Variants in NTM observed in about 807,000 individuals in gnomAD.
NTM encodes the protein neurotrimin, also known as IgLON family member 2.
NTM carries 13 observed loss-of-function variants against 42.1 expected under a neutral mutation model. The observed-to-expected ratio is 0.31, with a 90% CI of 0.20 to 0.49. The LOEUF is 0.49. NTM is among the 20% of genes least tolerant of loss of function. The probability of loss-of-function intolerance (pLI) is 0.99; values close to 1 mark genes in which losing one functional copy is unlikely to be tolerated. For synonymous variants in NTM, 187 were observed against 179.2 expected (o/e 1.04, Z -0.35); for missense variants, 373 against 452.8 (o/e 0.82, Z 1.60).
At chr11:132,048,012 T>A (rs184215560) in intron 2 of NTM, among the ~76,000 whole-genome samples, 112 of 152,096 alleles carry the variant, frequency 7.4e-4, no homozygotes, top group East Asian at 4.2e-3. Flanking sequence ...TTTTTTTTTT[T>A]TATATAGCTG....
intron 1 of NTM, among the ~76,000 whole-genome samples, chr11:131,481,505 C>T (rs948742451): frequency 2.6e-5 from 4 of 152,212 alleles, no homozygotes; most frequent in African/African-American, 9.6e-5. Context: ...AATGTCAGGG[C>T]AGTGTCTGAT....
intron 1 of NTM, among the ~76,000 whole-genome samples, chr11:131,852,909 T>TCCATCCATCCACCCAC (rs1311315774): frequency 2.7e-5 from 4 of 146,356 alleles, no homozygotes; most frequent in African/African-American, 1.0e-4. Context: ...CACCCATCCA[T>TCCATCCATCCACCCAC]CCATCCATCC....
intron 1 of NTM, among the ~76,000 whole-genome samples, chr11:131,529,369 G>A (rs1334564233): frequency 6.6e-6 from 1 of 152,214 alleles, no homozygotes; most frequent in Non-Finnish European, 1.5e-5. Flanking sequence ...ATGTGTACAT[G>A]CTTGCACGTG....
chr11:131,382,462 T>C (rs924355146), intron 1 of NTM, among the ~76,000 whole-genome samples: 5 of 152,152 alleles, frequency 3.3e-5, no homozygotes, highest in African/African-American at 1.2e-4. Context: ...GTACCAGCTC[T>C]AGAATGCATA....
chr11:131,624,506 G>A (rs538258369), intron 1 of NTM, among the ~76,000 whole-genome samples: 5 of 152,174 alleles, frequency 3.3e-5, no homozygotes, highest in African/African-American at 1.2e-4. Context: ...TCTTCCCAGT[G>A]GCTCCCACCC....
chr11:131,746,817 C>A (rs1405513251), intron 1 of NTM, among the ~76,000 whole-genome samples: 1 of 152,060 alleles, frequency 6.6e-6, no homozygotes, highest in Non-Finnish European at 1.5e-5. Context: ...CCGAAAAAGG[C>A]AGCGATGTCA....
intron 1 of NTM, among the ~76,000 whole-genome samples, chr11:131,452,943 A>G (rs1024054262): frequency 3.9e-5 from 6 of 152,264 alleles, no homozygotes; most frequent in Non-Finnish European, 5.9e-5. Flanking sequence ...GGGACTGTGG[A>G]ATTGTCAATG....
At chr11:131,432,922 A>T (rs891780896) in intron 1 of NTM, among the ~76,000 whole-genome samples, 23 of 132,032 alleles carry the variant, frequency 1.7e-4, no homozygotes, top group African/African-American at 6.6e-4. Flanking sequence ...TGGCGCGATC[A>T]CAGCTCACTG....
chr11:131,511,998 T>C (rs978073178), intron 1 of NTM, among the ~76,000 whole-genome samples: 1 of 152,120 alleles, frequency 6.6e-6, no homozygotes, highest in African/African-American at 2.4e-5. Flanking sequence ...ACCTGCTGTC[T>C]AGACAGATCG....
At chr11:132,182,531 G>T (rs922812286) in intron 3 of NTM, among the ~76,000 whole-genome samples, 1 of 152,212 alleles carries the variant, frequency 6.6e-6, no homozygotes, top group Non-Finnish European at 1.5e-5. Flanking sequence ...GTAAAGCATT[G>T]TGTATGCCCA....
At chr11:131,681,841 A>G (rs1280924805) in intron 1 of NTM, among the ~76,000 whole-genome samples, 1 of 129,232 alleles carries the variant, frequency 7.7e-6, no homozygotes, top group African/African-American at 3.0e-5. Flanking sequence ...GTCTGTGTGT[A>G]TGTCTCCCTG....
chr11:131,371,493 G>A (rs981091651), intron 1 of NTM, among the ~76,000 whole-genome samples: 3 of 152,196 alleles, frequency 2.0e-5, no homozygotes, highest in African/African-American at 7.2e-5. Context: ...CGGAGGTGTG[G>A]AAGCGAGGGG....
At position 131,559,612 on chromosome 11, in the gene NTM, A is replaced by G. The variant is rs144493928; in HGVS notation, c.82+188724A>G. Reference sequence around the variant, plus strand: ...ATACCTGAGTTCTATATGAGTCAAAATATAGGTTAAGACGCTGTAATCAGG... The same window carrying G: ...ATACCTGAGTTCTATATGAGTCAAAGTATAGGTTAAGACGCTGTAATCAGG... On this transcript the variant is annotated intron_variant, in intron 1 of 8. Coordinates refer to ENST00000683400, the MANE Select transcript of NTM (RefSeq NM_001352005.2). 2.7e-3 allele frequency among the ~76,000 whole-genome samples: 416 copies of G among 152,354 alleles called. 3 individuals carry two copies. The highest frequency in any genetic ancestry group is 8.7e-3 in the African/African-American group (363 of 41,582).
chr11:132,214,834 T>C (rs1428405820), intron 4 of NTM, among the ~76,000 whole-genome samples: 1 of 152,186 alleles, frequency 6.6e-6, no homozygotes, highest in Non-Finnish European at 1.5e-5. Flanking sequence ...AGCAGGACAA[T>C]CAGAATGTAC....
intron 2 of NTM, among the ~76,000 whole-genome samples, chr11:131,929,273 C>T (rs904501392): frequency 3.3e-5 from 5 of 152,006 alleles, no homozygotes; most frequent in Non-Finnish European, 7.4e-5. Flanking sequence ...GAGAGGTTTC[C>T]GAGGCAGATA....
intron 2 of NTM, among the ~76,000 whole-genome samples, chr11:131,975,549 A>G (rs377328867): frequency 6.6e-6 from 1 of 151,874 alleles, no homozygotes; most frequent in Non-Finnish European, 1.5e-5. Flanking sequence ...AGGGGGGAAA[A>G]AAAACCTCCA....
Position 131,661,107 on chromosome 11 carries a change from A to C in NTM, c.83-250457A>C, listed in dbSNP as rs1487456222. The C allele has an allele frequency of 4.2e-6, 5 of 1,176,706 alleles. No homozygotes were observed. In the East Asian group the frequency reaches 2.9e-4, roughly 68 times the overall value. The allele number at this position is 1,176,706 out of a possible 1,614,324, so 72.9% of individuals were successfully genotyped here. On this transcript the variant is annotated intron_variant, in intron 1 of 8. Transcript: ENST00000683400. Reference sequence around the variant, plus strand: ...AGACTGGTGGGGGGGTCTTCCCCCTAGATTCGGTGGAGATTCCTTTCCTCA... The same window carrying C: ...AGACTGGTGGGGGGGTCTTCCCCCTCGATTCGGTGGAGATTCCTTTCCTCA...
At position 132,336,004 on chromosome 11, in the gene NTM, T is replaced by C. The variant is rs2095869543; in HGVS notation, c.*858T>C. The C allele has an allele frequency of 6.6e-6, 1 of 152,564 alleles. No individual in the cohort carries two copies. Among genetic ancestry groups the C allele is most frequent in the East Asian group, 1.9e-4 (1 of 5,194 alleles). 9.5% of individuals were successfully genotyped at this position (152,564 alleles called of 1,614,324 possible). On this transcript the variant is annotated 3_prime_UTR_variant, in exon 9 of 9. Coordinates refer to ENST00000683400, the MANE Select transcript of NTM (RefSeq NM_001352005.2). ...AGGATTTGGCATATCCACCAAAAAA[T>C]GCATCCGATTTAACCAACATCTCCA...
intron 1 of NTM, among the ~76,000 whole-genome samples, chr11:131,414,648 G>A (rs1048626349): frequency 1.3e-5 from 2 of 152,260 alleles, no homozygotes; most frequent in Non-Finnish European, 2.9e-5. Context: ...TGTTTTCCCA[G>A]CATCCCTGGT....
Sources: allele counts gnomAD v4.1 joint callset (sites outside exome capture counted in the v4.1 genomes callset), GRCh38; gene constraint gnomAD v4.1.1; transcripts MANE v1.5; gene names NCBI Gene and HGNC (gene_info 2026-07-23, HGNC 2026-07-21).